Variants in KCND2 observed in about 807,000 individuals in gnomAD.
KCND2 encodes the protein potassium voltage-gated channel subfamily D member 2.
Under a neutral mutation model 54.4 loss-of-function variants are expected in KCND2, and 16 were observed. That is an observed-to-expected ratio of 0.29 (90% CI 0.20 to 0.45). KCND2 has a LOEUF of 0.45. Ranked by LOEUF, KCND2 falls within the 20% of genes least tolerant of loss-of-function variation. KCND2 has a pLI of 1.00. For missense variants in KCND2, 486 were observed against 824.2 expected (o/e 0.59, Z 5.02); for synonymous variants, 317 against 310.7 (o/e 1.02, Z -0.21).
chr7:120,731,618 A>G lies in KCND2; in HGVS notation c.1116-1285A>G, dbSNP rs149253843. On this transcript the variant is annotated intron_variant, in intron 1 of 5. Transcript: ENST00000331113. ...GTTTAAGCAACATAGCAGTAGTCCAATCTCCATTTTTAAAACCAAAGTTCT... is the reference window on the plus strand; with the variant it reads ...GTTTAAGCAACATAGCAGTAGTCCAGTCTCCATTTTTAAAACCAAAGTTCT... Among the ~76,000 whole-genome samples, 77 of 152,326 alleles carry G rather than the reference A, an allele frequency of 5.1e-4. 1 individual carries two copies. In the East Asian group the frequency reaches 0.014, roughly 27 times the overall value.
rs370456294 is a variant in KCND2 at position 120,712,820 on chromosome 7, G to A, written c.1116-20083G>A. 3.9e-5 allele frequency among the ~76,000 whole-genome samples: 6 copies of A among 152,228 alleles called. No homozygotes were observed. The South Asian group carries it at 6.2e-4, about 16-fold the overall frequency. On this transcript the variant is annotated intron_variant, in intron 1 of 5. Transcript: ENST00000331113. Reference sequence around the variant, plus strand: ...TCTGAACAAATGTGTAACCTATCCCGATTTCCTTCTTGAAAGACTTATTTT... The same window carrying A: ...TCTGAACAAATGTGTAACCTATCCCAATTTCCTTCTTGAAAGACTTATTTT...
chr7:120,658,786 T>C (rs996996314), intron 1 of KCND2, among the ~76,000 whole-genome samples: 1 of 152,238 alleles, frequency 6.6e-6, no homozygotes, highest in Non-Finnish European at 1.5e-5. Flanking sequence ...TACATCAAAA[T>C]ACTATGTTAC....
chr7:120,658,791 T>C (rs1032526742), intron 1 of KCND2, among the ~76,000 whole-genome samples: 3 of 152,168 alleles, frequency 2.0e-5, no homozygotes, highest in African/African-American at 7.2e-5. Flanking sequence ...CAAAATACTA[T>C]GTTACATGTC....
At chr7:120,673,350 C>A (rs1172071071) in intron 1 of KCND2, among the ~76,000 whole-genome samples, 1 of 152,100 alleles carries the variant, frequency 6.6e-6, no homozygotes, top group Non-Finnish European at 1.5e-5. Flanking sequence ...CTTCCCAAAT[C>A]CTTGTTTGCA....
At chr7:120,555,140 T>G (rs1792148179) in intron 1 of KCND2, among the ~76,000 whole-genome samples, 1 of 152,150 alleles carries the variant, frequency 6.6e-6, no homozygotes, top group Non-Finnish European at 1.5e-5. Flanking sequence ...CAAGAGTGCC[T>G]CATATTCCCA....
chr7:120,529,499 G>A (rs771201298), intron 1 of KCND2, among the ~76,000 whole-genome samples: 2 of 152,170 alleles, frequency 1.3e-5, no homozygotes, highest in African/African-American at 2.4e-5. Context: ...AGCAAATCAA[G>A]CTAGCAGCAA....
intron 1 of KCND2, among the ~76,000 whole-genome samples, chr7:120,405,767 T>C (rs1397283585): frequency 6.6e-6 from 1 of 152,086 alleles, no homozygotes; most frequent in Non-Finnish European, 1.5e-5. Flanking sequence ...CTAATTTGTC[T>C]TTCTAAAGGT....
chr7:120,502,840 G>A (rs1345920973), intron 1 of KCND2, among the ~76,000 whole-genome samples: 1 of 151,990 alleles, frequency 6.6e-6, no homozygotes, highest in Non-Finnish European at 1.5e-5. Flanking sequence ...CTCTCTTGAT[G>A]TGAGGTGAAG....
intron 1 of KCND2, among the ~76,000 whole-genome samples, chr7:120,520,044 AT>A (rs1791668518): frequency 6.6e-6 from 1 of 152,116 alleles, no homozygotes; most frequent in African/African-American, 2.4e-5. Context: ...GCTGTCATTA[AT>A]TTGGTGAGTA....
intron 1 of KCND2, among the ~76,000 whole-genome samples, chr7:120,328,480 A>G (rs1800014147): frequency 2.0e-5 from 3 of 152,164 alleles, no homozygotes; most frequent in Admixed American, 6.6e-5. Context: ...ATCAAAGTTG[A>G]CAGTTTAACC....
intron 1 of KCND2, among the ~76,000 whole-genome samples, chr7:120,408,188 G>C (rs1429918369): frequency 2.6e-5 from 4 of 151,908 alleles, no homozygotes; most frequent in Non-Finnish European, 2.9e-5. Context: ...TGAGTTTGTA[G>C]CTCGAAATAC....
chr7:120,286,111 T>A (rs979016918), intron 1 of KCND2, among the ~76,000 whole-genome samples: 18 of 151,952 alleles, frequency 1.2e-4, no homozygotes, highest in African/African-American at 4.3e-4. Context: ...AAACTATGAA[T>A]AAATTAAGAA....
At chr7:120,443,358 T>G (rs1359922788) in intron 1 of KCND2, among the ~76,000 whole-genome samples, 1 of 96,756 alleles carries the variant, frequency 1.0e-5, no homozygotes, top group Non-Finnish European at 2.1e-5. Flanking sequence ...TAATAAATAA[T>G]AATAATAATA....
chr7:120,673,801 C>G (rs1046602444), intron 1 of KCND2, among the ~76,000 whole-genome samples: 1 of 152,080 alleles, frequency 6.6e-6, no homozygotes, highest in Non-Finnish European at 1.5e-5. Flanking sequence ...TCTGCCTTTC[C>G]AAATCTATAG....
intron 3 of KCND2, chr7:120,742,235 C>T: frequency 7.4e-6 from 3 of 407,260 alleles, no homozygotes; most frequent in Non-Finnish European, 9.2e-6. Flanking sequence ...ATAACAGATT[C>T]CCATCTTACA....
At chr7:120,325,084 T>C (rs1360459571) in intron 1 of KCND2, among the ~76,000 whole-genome samples, 2 of 147,222 alleles carry the variant, frequency 1.4e-5, no homozygotes, top group East Asian at 4.0e-4. Flanking sequence ...AGTTCACTCA[T>C]GATTTGGCTC....
Position 120,403,893 on chromosome 7 carries a change from T to C in KCND2, c.1115+128146T>C, listed in dbSNP as rs1801310318. Among the ~76,000 whole-genome samples the C allele has an allele frequency of 2.0e-5, 3 of 152,160 alleles. No homozygotes were observed. The South Asian group carries it at 6.2e-4, about 31-fold the overall frequency. ...AAAAAATTAAAATAACAAGATTTTT[T>C]TAAAAGAATCTCAAGGTATTTTTGC... is the stretch of plus-strand genomic sequence containing the variant. On this transcript the variant is annotated intron_variant, in intron 1 of 5. Transcript: ENST00000331113.
chr7:120,693,563 G>A (rs994875983), intron 1 of KCND2, among the ~76,000 whole-genome samples: 1 of 152,160 alleles, frequency 6.6e-6, no homozygotes, highest in Admixed American at 6.5e-5. Flanking sequence ...AAAAGAAAGA[G>A]AGATGAAGTG....
intron 1 of KCND2, among the ~76,000 whole-genome samples, chr7:120,669,124 A>T (rs1158806035): frequency 6.6e-6 from 1 of 152,126 alleles, no homozygotes; most frequent in Non-Finnish European, 1.5e-5. Context: ...GGACTTAATA[A>T]ACAGAGTTGC....
Sources: allele counts gnomAD v4.1 joint callset (sites outside exome capture counted in the v4.1 genomes callset), GRCh38; gene constraint gnomAD v4.1.1; transcripts MANE v1.5; gene names NCBI Gene and HGNC (gene_info 2026-07-23, HGNC 2026-07-21).